The following RPS6KA2 variants were observed in gnomAD, a reference collection of about 807,000 sequenced individuals.
The protein encoded by RPS6KA2 is ribosomal protein S6 kinase A2.
A neutral mutation model predicts 91.8 loss-of-function variants in RPS6KA2; 42 were observed. The observed-to-expected ratio is 0.46, with a 90% CI of 0.36 to 0.59. The LOEUF is 0.59. Ranked by LOEUF, RPS6KA2 falls within the 20% of genes least tolerant of loss-of-function variation. The pLI, the probability that RPS6KA2 is intolerant of heterozygous loss-of-function variation, is 0.00. For missense variants in RPS6KA2, 798 were observed against 978.5 expected (o/e 0.82, Z 2.46); for synonymous variants, 414 against 393.6 (o/e 1.05, Z -0.61).
At chr6:166,530,281 C>T (rs1454648227) in intron 3 of RPS6KA2, among the ~76,000 whole-genome samples, 2 of 152,188 alleles carry the variant, frequency 1.3e-5, no homozygotes, top group Non-Finnish European at 2.9e-5. Context: ...TCTCCCTACC[C>T]TGCAGGTTTC....
chr6:166,783,817 ACC>A (rs1778843685), intron 2 of RPS6KA2, among the ~76,000 whole-genome samples: 1 of 87,268 alleles, frequency 1.1e-5, no homozygotes, highest in South Asian at 3.5e-4. Flanking sequence ...GTTACCTGTA[ACC>A]ACATATGCAC....
At chr6:166,738,700 T>C (rs1460950951) in intron 2 of RPS6KA2, among the ~76,000 whole-genome samples, 4 of 152,230 alleles carry the variant, frequency 2.6e-5, no homozygotes. Context: ...ACGACGTCAC[T>C]GGATACCATG....
chr6:166,526,203 A>C (rs6903112), intron 3 of RPS6KA2, among the ~76,000 whole-genome samples: 42,094 of 152,032 alleles, frequency 0.28, 5,928 homozygotes, highest in South Asian at 0.32. Context: ...TTTTTGGGAA[A>C]AAAAAATCTA....
intron 2 of RPS6KA2, among the ~76,000 whole-genome samples, chr6:166,751,463 G>A (rs1791280550): frequency 1.3e-5 from 2 of 152,376 alleles, no homozygotes; most frequent in South Asian, 4.1e-4. Context: ...TAACCCCTCA[G>A]GGGAGGCAAA....
At chr6:166,684,468 C>A (rs1788944519) in intron 2 of RPS6KA2, among the ~76,000 whole-genome samples, 1 of 152,206 alleles carries the variant, frequency 6.6e-6, no homozygotes, top group South Asian at 2.1e-4. Flanking sequence ...GCTGCTTCAA[C>A]ACAGCTGTTT....
chr6:166,476,300 C>T (rs539278574), intron 10 of RPS6KA2, among the ~76,000 whole-genome samples: 1 of 152,162 alleles, frequency 6.6e-6, no homozygotes, highest in Non-Finnish European at 1.5e-5. Flanking sequence ...GGACCTCTGG[C>T]CTCCAGAGCT....
At position 166,640,089 on chromosome 6, in the gene RPS6KA2, G is replaced by A. The variant is rs897510889; in HGVS notation, c.124-101305C>T. 1.2e-4 allele frequency among the ~76,000 whole-genome samples: 18 copies of A among 152,192 alleles called. No individual in the cohort carries two copies. In the East Asian group the frequency reaches 3.5e-3, roughly 29 times the overall value. Reference sequence around the variant, plus strand: ...CAGTGAAGATGGTGAGGCTCTAGGAGGTTAACACAGAAATAAGGGACTTTT... The same window carrying A: ...CAGTGAAGATGGTGAGGCTCTAGGAAGTTAACACAGAAATAAGGGACTTTT... On this transcript the variant is annotated intron_variant, in intron 2 of 21. Coordinates refer to the RPS6KA2 transcript ENST00000503859.
intron 2 of RPS6KA2, among the ~76,000 whole-genome samples, chr6:166,741,497 T>G (rs1418400499): frequency 6.6e-6 from 1 of 152,214 alleles, no homozygotes; most frequent in Non-Finnish European, 1.5e-5. Context: ...AGCACAAAAA[T>G]TAAATAAATA....
chr6:166,723,517 G>A (rs1053578828), intron 2 of RPS6KA2, among the ~76,000 whole-genome samples: 7 of 151,780 alleles, frequency 4.6e-5, no homozygotes, highest in South Asian at 2.1e-4. Flanking sequence ...CAGGAAGGCC[G>A]TGCCAGTACA....
chr6:166,692,062 T>C (rs939736715), intron 2 of RPS6KA2, among the ~76,000 whole-genome samples: 3 of 152,026 alleles, frequency 2.0e-5, no homozygotes, highest in African/African-American at 7.3e-5. Flanking sequence ...GGGAAAGAAC[T>C]GCAGATTCAC....
At chr6:166,546,862 C>T (rs371834606) in intron 1 of RPS6KA2, among the ~76,000 whole-genome samples, 2 of 152,186 alleles carry the variant, frequency 1.3e-5, no homozygotes, top group Non-Finnish European at 2.9e-5. Flanking sequence ...GCTGAGTCAA[C>T]TAGGATGTAA....
rs1195981301 is a variant in RPS6KA2, at chr6:166,541,901, TAG to T, written c.100-3119_100-3118del. 5.9e-5 allele frequency among the ~76,000 whole-genome samples: 9 copies of T among 152,286 alleles called. No homozygotes were observed. The East Asian group carries it at 1.5e-3, about 26-fold the overall frequency. ...GCTTTCTTCCCTAATAATATTGCGA[TAG>T]AGTTCACTTCTCATTTCAAATCAGT... is the stretch of plus-strand genomic sequence containing the variant. On this transcript the variant is annotated intron_variant, in intron 1 of 20. Coordinates refer to ENST00000265678, the MANE Select transcript of RPS6KA2 (RefSeq NM_021135.6).
chr6:166,597,209 T>G (rs1341854315), intron 1 of RPS6KA2, among the ~76,000 whole-genome samples: 2 of 152,108 alleles, frequency 1.3e-5, no homozygotes, highest in East Asian at 3.9e-4. Flanking sequence ...GGCTACGGGA[T>G]AAGTCGAAAG....
chr6:166,808,246 T>C (rs759874633), intron 2 of RPS6KA2, among the ~76,000 whole-genome samples: 3 of 152,168 alleles, frequency 2.0e-5, no homozygotes, highest in Non-Finnish European at 4.4e-5. Context: ...AGACCTTTCT[T>C]GAAGCTGAGA....
chr6:166,657,935 G>A (rs1468037531), intron 2 of RPS6KA2, among the ~76,000 whole-genome samples: 1 of 152,224 alleles, frequency 6.6e-6, no homozygotes, highest in Non-Finnish European at 1.5e-5. Context: ...CCAGGCTGGA[G>A]TGCAGTGGCG....
chr6:166,444,640 G>A (rs1779621669), intron 14 of RPS6KA2, among the ~76,000 whole-genome samples: 1 of 152,246 alleles, frequency 6.6e-6, no homozygotes, highest in African/African-American at 2.4e-5. Flanking sequence ...CGCGTGAGAA[G>A]GAAGAGGGTC....
intron 2 of RPS6KA2, among the ~76,000 whole-genome samples, chr6:166,840,951 G>A (rs1036711774): frequency 2.0e-5 from 3 of 151,030 alleles, no homozygotes; most frequent in Non-Finnish European, 3.0e-5. Context: ...CAACAAGAGC[G>A]AAACTTTGTC....
intron 10 of RPS6KA2, among the ~76,000 whole-genome samples, chr6:166,479,784 C>G (rs1781122216): frequency 6.6e-6 from 1 of 152,372 alleles, no homozygotes; most frequent in East Asian, 1.9e-4. Context: ...GCTGTAGGAG[C>G]TGCTTGCCTG....
intron 11 of RPS6KA2, among the ~76,000 whole-genome samples, chr6:166,468,063 C>T (rs1349047944): frequency 1.3e-5 from 2 of 152,248 alleles, no homozygotes; most frequent in Non-Finnish European, 2.9e-5. Context: ...ACACCCAGGT[C>T]CATTCTTCAT....
Sources: allele counts gnomAD v4.1 joint callset (sites outside exome capture counted in the v4.1 genomes callset), GRCh38; gene constraint gnomAD v4.1.1; transcripts MANE v1.5; gene names NCBI Gene and HGNC (gene_info 2026-07-23, HGNC 2026-07-21).